Variants in RCL1 observed in about 807,000 individuals in gnomAD.
RCL1 encodes the protein RNA terminal phosphate cyclase like 1.
RCL1 carries 24 observed loss-of-function variants against 42.4 expected under a neutral mutation model. The ratio of observed to expected loss-of-function variants is 0.57; its 90% CI spans 0.41 to 0.80. The LOEUF (loss-of-function observed/expected upper bound fraction) is 0.80. RCL1 is among the 30% of genes least tolerant of loss of function. The pLI is 0.00. For synonymous variants in RCL1, 228 were observed against 177.3 expected (o/e 1.29, Z -2.27); for missense variants, 578 against 467.9 (o/e 1.24, Z -2.17).
At chr9:4,821,217 G>T (rs1303094419) in intron 1 of RCL1, among the ~76,000 whole-genome samples, 1 of 152,154 alleles carries the variant, frequency 6.6e-6, no homozygotes, top group African/African-American at 2.4e-5. Context: ...GAGGCCAGGA[G>T]TTTGAAACTA....
At position 4,841,261 on chromosome 9, in the gene RCL1, C is replaced by T. The variant is rs745330205; in HGVS notation, c.614C>T (p.Ala205Val). Residue 205 changes from alanine to valine, a missense_variant, in exon 6 of 9, where the codon GCG (alanine) becomes GTG (valine). Coordinates refer to ENST00000381750, the MANE Select transcript of RCL1 (RefSeq NM_005772.5). ...TCTGTACGTGTGTCACCTCAGATGG[C>T]GAACCGGATTGTGGATTCTGCAAGG... ...AYSVRVSPQM[A>V]NRIVDSARSI... 2.7e-5 allele frequency: 44 copies of T among 1,613,296 alleles called. No individual in the cohort carries two copies. The highest frequency in any genetic ancestry group is 5.0e-5 in the Admixed American group (3 of 60,000).
intron 1 of RCL1, among the ~76,000 whole-genome samples, chr9:4,816,835 G>A (rs1039895658): frequency 6.6e-6 from 1 of 151,492 alleles, no homozygotes. Context: ...TTATTTTTTT[G>A]AGATGGAGTC....
At chr9:4,857,931 CTT>C (rs34470773) in intron 8 of RCL1, among the ~76,000 whole-genome samples, 32 of 103,016 alleles carry the variant, frequency 3.1e-4, no homozygotes, top group Admixed American at 7.2e-4. Flanking sequence ...AGCTCTCCCA[CTT>C]TTTTTTTTTT....
chr9:4,854,844 C>T (rs1364455327), intron 8 of RCL1, among the ~76,000 whole-genome samples: 1 of 151,958 alleles, frequency 6.6e-6, no homozygotes, highest in Non-Finnish European at 1.5e-5. Context: ...ATCACGAGGT[C>T]AGGAGTTCAA....
intron 1 of RCL1, chr9:4,804,714 TG>T (rs1843070746): frequency 1.7e-5 from 3 of 175,352 alleles, no homozygotes; most frequent in South Asian, 1.9e-4. Flanking sequence ...GGTGCGCTGG[TG>T]GGGAGGACGA....
intron 3 of RCL1, among the ~76,000 whole-genome samples, chr9:4,832,805 CA>C (rs34915834): frequency 0.013 from 503 of 39,294 alleles, 1 homozygote; most frequent in South Asian, 0.061. Context: ...AGATTCCACT[CA>C]AAAAAAAAAA....
intron 1 of RCL1, among the ~76,000 whole-genome samples, chr9:4,806,723 G>GTT (rs61090378): frequency 3.4e-5 from 5 of 147,108 alleles, no homozygotes; most frequent in Admixed American, 1.4e-4. Flanking sequence ...TTGCTCTGTA[G>GTT]TTTTTTTTTT....
chr9:4,825,242 G>A (rs79999307), intron 2 of RCL1, among the ~76,000 whole-genome samples: 7,092 of 152,210 alleles, frequency 0.047, 263 homozygotes, highest in African/African-American at 0.1. Context: ...ACATTTACAT[G>A]ATTCTGCTCC....
chr9:4,858,878 A>G (rs1338912199), intron 8 of RCL1, among the ~76,000 whole-genome samples: 2 of 152,160 alleles, frequency 1.3e-5, no homozygotes, highest in Non-Finnish European at 2.9e-5. Flanking sequence ...GTATTCCCTA[A>G]CCTTGCCCAA....
At chr9:4,827,137 G>C in intron 3 of RCL1, 104 bp downstream of exon 3, 1 of 1,565,734 alleles carries the variant, frequency 6.4e-7, no homozygotes, top group Non-Finnish European at 8.7e-7. Context: ...TATTACAAAT[G>C]TATATTGCTT....
chr9:4,825,519 G>T (rs566886658), intron 2 of RCL1, among the ~76,000 whole-genome samples: 6 of 152,230 alleles, frequency 3.9e-5, no homozygotes, highest in Admixed American at 6.5e-5. Flanking sequence ...TTGGATTCTA[G>T]TGTTTAATGT....
chr9:4,794,299 G>C (rs957935319), intron 1 of RCL1, among the ~76,000 whole-genome samples: 11 of 152,218 alleles, frequency 7.2e-5, no homozygotes, highest in Admixed American at 2.6e-4. Context: ...CCATGCTATT[G>C]ACGGAGATAG....
At chr9:4,848,233 C>T (rs1817587164) in intron 7 of RCL1, among the ~76,000 whole-genome samples, 1 of 152,184 alleles carries the variant, frequency 6.6e-6, no homozygotes, top group African/African-American at 2.4e-5. Context: ...CTCTCCTTGT[C>T]CTAGAATTTG....
At chr9:4,838,624 A>T (rs1344371022) in intron 5 of RCL1, among the ~76,000 whole-genome samples, 3 of 152,174 alleles carry the variant, frequency 2.0e-5, no homozygotes, top group Non-Finnish European at 2.9e-5. Flanking sequence ...TCTGACATGG[A>T]ACATTGGGGA....
intron 1 of RCL1, among the ~76,000 whole-genome samples, chr9:4,814,601 C>T (rs1376847875): frequency 6.6e-6 from 1 of 152,150 alleles, no homozygotes; most frequent in Non-Finnish European, 1.5e-5. Flanking sequence ...CTGGTTGATT[C>T]GTGTCTCCTT....
intron 1 of RCL1, among the ~76,000 whole-genome samples, chr9:4,814,176 C>G (rs754392006): frequency 7.3e-6 from 1 of 136,404 alleles, no homozygotes; most frequent in Admixed American, 7.7e-5. Flanking sequence ...AAAATTTCCC[C>G]CATTCAGTAT....
In RCL1 at chr9:4,792,963, G is replaced by A. The variant is rs189878532; in HGVS notation, c.-129G>A. ...TGTTCCAAACCACGTGGACGCGTCT[G>A]GGCTGCTGGAGGCAGCCCGAGCCGC... On this transcript the variant is annotated 5_prime_UTR_variant, in exon 1 of 9. Transcript: ENST00000381750. 1.6e-5 allele frequency: 16 copies of A among 997,526 alleles called. 1 individual carries two copies. In the Admixed American group the frequency reaches 3.9e-4, roughly 24 times the overall value. 61.8% of individuals were successfully genotyped at this position (997,526 alleles called of 1,614,324 possible).
rs66886360 is a variant in RCL1, at chr9:4,817,912, A to ATTTTTTTTTTTTTTTTTTTTTTTTTT, written c.137-5611_137-5610insTTTTTTTTTTTTTTTTTTTTTTTTTT. 3.8e-5 allele frequency among the ~76,000 whole-genome samples: 3 copies of ATTTTTTTTTTTTTTTTTTTTTTTTTT among 78,356 alleles called. 1 individual carries two copies. Among genetic ancestry groups the ATTTTTTTTTTTTTTTTTTTTTTTTTT allele is most frequent in the Non-Finnish European group, 4.5e-5 (2 of 44,578 alleles). The allele number at this position is 78,356 out of a possible 152,430, so 51.4% of individuals were successfully genotyped here. A position where few individuals can be genotyped will look rare whatever the true frequency, so the allele number is the denominator to read the frequency against. ...TTCATTTTGCTCTTACTTTTCTAAG[A>ATTTTTTTTTTTTTTTTTTTTTTTTTT]TTTTTTTTTTTTTTTTTTTTTTTTT... On this transcript the variant is annotated intron_variant, in intron 1 of 8. Transcript: ENST00000381750.
rs749760183 is a variant in RCL1, at chr9:4,834,176, C to T, written c.495C>T (p.Gly165=). Reference sequence around the variant, plus strand: ...GGGGAATGCCTCCCGGAGGAGGAGGCGAAGTGGTTTTCTCATGTCCTGTGA... The same window carrying T: ...GGGGAATGCCTCCCGGAGGAGGAGGTGAAGTGGTTTTCTCATGTCCTGTGA... ...VRRGMPPGGG[G]EVVFSCPVRK... The change falls in exon 5 of 9, where the codon GGC becomes GGT. Residue 165 remains glycine (G), a synonymous_variant. Transcript: ENST00000381750. 10 of 1,613,240 alleles carry T rather than the reference C, an allele frequency of 6.2e-6. No individual in the cohort carries two copies. The African/African-American group carries it at 6.7e-5, about 11-fold the overall frequency.
Sources: allele counts gnomAD v4.1 joint callset (sites outside exome capture counted in the v4.1 genomes callset), GRCh38; gene constraint gnomAD v4.1.1; transcripts MANE v1.5; gene names NCBI Gene and HGNC (gene_info 2026-07-23, HGNC 2026-07-21).